Variants in RPLP0 observed in about 807,000 individuals in gnomAD.
The protein encoded by RPLP0 is ribosomal protein lateral stalk subunit P0.
For missense variants in RPLP0, 276 were observed against 402.9 expected (o/e 0.69, Z 2.70); for synonymous variants, 137 against 153.4 (o/e 0.89, Z 0.79).
Position 120,198,911 on chromosome 12 carries a change from G to C in RPLP0, c.408C>G (p.Ser136=). 1 of 1,613,932 alleles carries C rather than the reference G, an allele frequency of 6.2e-7. No homozygotes were observed. Among genetic ancestry groups the C allele is most frequent in the Non-Finnish European group, 8.5e-7 (1 of 1,179,812 alleles). ...QNTGLGPEKT[S]FFQALGITTK... is the part of the protein sequence containing the mutation. Reference sequence around the variant, plus strand: ...TGGTGATACCTAAAGCCTGGAAAAAGGAGGTCTTCTCGGGCCCGAGACCAG... The same window carrying C: ...TGGTGATACCTAAAGCCTGGAAAAACGAGGTCTTCTCGGGCCCGAGACCAG... The change falls in exon 5 of 8, where the codon TCC becomes TCG. Residue 136 remains serine, a synonymous_variant. Coordinates refer to ENST00000392514, the MANE Select transcript of RPLP0 (RefSeq NM_001002.4). This position sits in a 1 kb window ranked among gnomAD's most constrained non-coding sequence, Gnocchi z 4.1.
rs184242008 is a variant in RPLP0, at chr12:120,197,756, C to T, written c.652-294G>A. The stretch of plus-strand genomic sequence containing the variant: ...AAACGACTAACGTAGCCATTGAGTT[C>T]CATGAACGAAAAATGTTCAACGATT... On this transcript the variant is annotated intron_variant, in intron 6 of 7. Coordinates refer to ENST00000392514, the MANE Select transcript of RPLP0 (RefSeq NM_001002.4). 2.7e-3 allele frequency: 909 copies of T among 330,608 alleles called. 1 individual carries two copies. The highest frequency in any genetic ancestry group is 4.0e-3 in the Non-Finnish European group (708 of 177,936). 20.5% of individuals were successfully genotyped at this position (330,608 alleles called of 1,614,324 possible).
Position 120,198,774 on chromosome 12 carries a change from T to C in RPLP0, c.466-35A>G, listed in dbSNP as rs772943615. 3.1e-6 allele frequency: 5 copies of C among 1,609,936 alleles called. No homozygotes were observed. Among genetic ancestry groups the C allele is most frequent in the South Asian group, 1.1e-5 (1 of 90,990 alleles). On this transcript the variant is annotated intron_variant, in intron 5 of 7. Coordinates refer to ENST00000392514, the MANE Select transcript of RPLP0 (RefSeq NM_001002.4). The surrounding 1 kb of genome is among the most constrained non-coding windows in gnomAD (Gnocchi z 4.1). ...ATAATAGTGGGGCAGTAAACACCTGTTGGACAACCAGCAGATCCATGGCCA... is the reference window on the plus strand; with the variant it reads ...ATAATAGTGGGGCAGTAAACACCTGCTGGACAACCAGCAGATCCATGGCCA...
Position 120,197,291 on chromosome 12 carries a change from G to T in RPLP0, c.792+31C>A, listed in dbSNP as rs1411645228. The T allele has an allele frequency of 8.1e-6, 13 of 1,599,398 alleles. No homozygotes were observed. The South Asian group carries it at 9.9e-5, about 12-fold the overall frequency. On this transcript the variant is annotated intron_variant, in intron 7 of 7. Coordinates refer to ENST00000392514, the MANE Select transcript of RPLP0 (RefSeq NM_001002.4). ...CACCCTGCTAATTTGTCACAGTCAGGCCCACTGTGGTCCTGGTGGGATCCT... is the reference window on the plus strand; with the variant it reads ...CACCCTGCTAATTTGTCACAGTCAGTCCCACTGTGGTCCTGGTGGGATCCT...
intron 2 of RPLP0, 120 bp from the exon 3 acceptor site, chr12:120,199,605 T>A: frequency 9.5e-7 from 1 of 1,055,790 alleles, no homozygotes. Flanking sequence ...GCTTTTGAAG[T>A]CAGAGGGAGA....
Position 120,200,722 on chromosome 12 carries a change from G to C in RPLP0, c.54+8C>G, listed in dbSNP as rs1480427681. The C allele has an allele frequency of 1.9e-6, 3 of 1,609,698 alleles. No homozygotes were observed. Among genetic ancestry groups the C allele is most frequent in the Non-Finnish European group, 2.5e-6 (3 of 1,178,196 alleles). On this transcript the variant is annotated splice_region_variant and intron_variant, in intron 2 of 7. Coordinates refer to ENST00000392514, the MANE Select transcript of RPLP0 (RefSeq NM_001002.4). ...ATGAAGAGCAGAGGCGACCCACCCT[G>C]CACTTACGATGATCTTAAGGAAGTA...
intron 7 of RPLP0, 96 bp from the exon 8 acceptor site, chr12:120,197,030 A>C: frequency 1.3e-5 from 21 of 1,572,436 alleles, no homozygotes; most frequent in Non-Finnish European, 1.8e-5. Flanking sequence ...CAACAATATC[A>C]AAGTCCGTGT....
At position 120,196,927 on chromosome 12, in the gene RPLP0, G is replaced by T. The variant is rs778966620; in HGVS notation, c.800C>A (p.Ala267Asp). 9 of 1,613,280 alleles carry T rather than the reference G, an allele frequency of 5.6e-6. No homozygotes were observed. The highest frequency in any genetic ancestry group is 2.7e-5 in the African/African-American group (2 of 75,028). Residue 267 changes from alanine (A) to aspartate (D), a missense_variant, in exon 8 of 8, where the codon GCC (alanine) becomes GAC (aspartate). Transcript: ENST00000392514. ...YTFPLAEKVKAFLADPSAFVA... is the reference protein window; with the variant it reads ...YTFPLAEKVKDFLADPSAFVA... The stretch of plus-strand genomic sequence containing the variant: ...AAAGGCAGATGGATCAGCCAAGAAG[G>T]CCTTGACCTGAAAGGAGGGGGGAAG...
chr12:120,197,133 C>T, intron 7 of RPLP0, 189 bp downstream of exon 7: 1 of 1,051,792 alleles, frequency 9.5e-7, no homozygotes, highest in South Asian at 1.5e-5. Context: ...GCCCATTAAC[C>T]CCCTCTTTGG....
rs1879220488 is a variant in RPLP0 at position 120,197,353 on chromosome 12, T to A, written c.761A>T (p.Glu254Val). The stretch of plus-strand genomic sequence containing the variant: ...AGCAAGTGGGAAGGTGTAATCCGTC[T>A]CCACAGACAAGGCCAGGACTCGTTT... Reference protein sequence around the residue: ...GYKRVLALSVETDYTFPLAEK... With the variant: ...GYKRVLALSVVTDYTFPLAEK... Residue 254 changes from glutamate to valine, a missense_variant, in exon 7 of 8, where the codon GAG becomes GTG. Transcript: ENST00000392514. 6.2e-7 allele frequency: 1 copy of A among 1,613,780 alleles called. No homozygotes were observed. The highest frequency in any genetic ancestry group is 1.3e-5 in the African/African-American group (1 of 74,898).
chr12:120,200,911 C>G (rs1207453975), intron 1 of RPLP0, 80 bp from the exon 2 acceptor site: 1 of 1,437,524 alleles, frequency 7.0e-7, no homozygotes, highest in South Asian at 1.5e-5. Context: ...GCAGGACACG[C>G]GCAATCGCCC....
intron 7 of RPLP0, 160 bp from the exon 8 acceptor site, chr12:120,197,094 T>C: frequency 8.0e-7 from 1 of 1,254,016 alleles, no homozygotes; most frequent in East Asian, 2.3e-5. Flanking sequence ...TATGGCCTAG[T>C]GAGGCAGGGT....
At chr12:120,201,034 C>CAAAG in intron 1 of RPLP0, 49 bp downstream of exon 1, 1 of 489,258 alleles carries the variant, frequency 2.0e-6, no homozygotes, top group African/African-American at 2.0e-5. Context: ...AAGACCCCTC[C>CAAAG]ATGCTTCCCG....
At chr12:120,200,959 C>A (rs1879435592) in intron 1 of RPLP0, 124 bp downstream of exon 1, 3 of 1,162,626 alleles carry the variant, frequency 2.6e-6, no homozygotes, top group Non-Finnish European at 3.5e-6. Flanking sequence ...CATCTCGGGG[C>A]GTGCAAGCCG....
At position 120,198,142 on chromosome 12, in the gene RPLP0, C is replaced by T. The variant is rs1879253651; in HGVS notation, c.651+412G>A. Among the ~76,000 whole-genome samples, 1 of 152,166 alleles carries T rather than the reference C, an allele frequency of 6.6e-6. No homozygotes were observed. The highest frequency in any genetic ancestry group is 2.4e-5 in the African/African-American group (1 of 41,434). On this transcript the variant is annotated intron_variant, in intron 6 of 7. Coordinates refer to ENST00000392514, the MANE Select transcript of RPLP0 (RefSeq NM_001002.4). The surrounding 1 kb of genome is among the most constrained non-coding windows in gnomAD (Gnocchi z 4.1). ...AGGCGTGGTGGCTCATGCCTGTAAT[C>T]CCAGCACTTTGGGAGGCCGAGTTGG...
At position 120,198,565 on chromosome 12, in the gene RPLP0, G is replaced by A. The variant is rs761578930; in HGVS notation, c.640C>T (p.Arg214Cys). Residue 214 changes from arginine (R) to cysteine (C), a missense_variant, in exon 6 of 8, where the codon CGC becomes TGC. By Grantham distance (180) the Arg-to-Cys change is radical. Coordinates refer to ENST00000392514, the MANE Select transcript of RPLP0 (RefSeq NM_001002.4). The surrounding 1 kb of genome is among the most constrained non-coding windows in gnomAD (Gnocchi z 4.1). ...LDITEETLHS[R>C]FLEGVRNVAS... is the part of the protein sequence containing the mutation. ...CTGACAGCATATACCTCCAGGAAGC[G>A]AGAATGCAGAGTTTCCTCTGTGATA... 12 of 1,614,016 alleles carry A rather than the reference G, an allele frequency of 7.4e-6. No individual in the cohort carries two copies. The highest frequency in any genetic ancestry group is 1.7e-4 in the Middle Eastern group (1 of 6,060).
chr12:120,199,138 C>T lies in RPLP0; in HGVS notation c.298G>A (p.Asp100Asn). 6.2e-7 allele frequency: 1 copy of T among 1,613,838 alleles called. No individual in the cohort carries two copies. The highest frequency in any genetic ancestry group is 8.5e-7 in the Non-Finnish European group (1 of 1,179,690). ...CTTACCTTATTGGCCAGCAACATGT[C>T]CCTGATCTCAGTGAGGTCCTCCTTG... ...FTKEDLTEIRDMLLANKVPAA... is the reference protein window; with the variant it reads ...FTKEDLTEIRNMLLANKVPAA... The change falls in exon 4 of 8, where the codon GAC (aspartate) becomes AAC (asparagine). Residue 100 changes from aspartate (D) to asparagine (N), a missense_variant. Transcript: ENST00000392514.
chr12:120,200,038 A>AT, intron 2 of RPLP0: 3 of 456,122 alleles, frequency 6.6e-6, no homozygotes, highest in South Asian at 4.6e-5. Flanking sequence ...TGGGCAAGGG[A>AT]GACCCACCTC....
At chr12:120,200,862 C>T in intron 1 of RPLP0, 31 bp from the exon 2 acceptor site, 1 of 1,552,730 alleles carries the variant, frequency 6.4e-7, no homozygotes, top group Non-Finnish European at 8.7e-7. Flanking sequence ...CAGGCCTGGT[C>T]ACGCCGACAC....
chr12:120,201,038 C>A (rs543076488), intron 1 of RPLP0, 45 bp downstream of exon 1: 13 of 480,026 alleles, frequency 2.7e-5, no homozygotes, highest in Non-Finnish European at 4.2e-5. Context: ...CCCCTCCATG[C>A]TTCCCGCCGG....
Sources: gnomAD v4.1 joint callset for allele counts (sites outside exome capture counted in the v4.1 genomes callset) on GRCh38, gnomAD v4.1.1 for gene constraint, Gnocchi (gnomAD v3.1) non-coding constraint, MANE v1.5 for transcripts, NCBI Gene and HGNC (gene_info 2026-07-23, HGNC 2026-07-21) for gene names.